The following CSNK1G3 variants were observed in gnomAD, a reference collection of about 807,000 sequenced individuals.
CSNK1G3 encodes casein kinase I isoform gamma-3.
A neutral mutation model predicts 64.3 loss-of-function variants in CSNK1G3; 23 were observed. The observed-to-expected ratio is 0.36, with a 90% CI of 0.26 to 0.51. The LOEUF (loss-of-function observed/expected upper bound fraction) is 0.51, where lower values mean the gene tolerates loss of function less well. Ranked by LOEUF, CSNK1G3 falls within the 20% of genes least tolerant of loss-of-function variation. CSNK1G3 has a pLI of 0.96. For synonymous variants in CSNK1G3, 158 were observed against 162.2 expected (o/e 0.97, Z 0.20); for missense variants, 357 against 510.5 (o/e 0.70, Z 2.90).
At chr5:123,552,139 C>T (rs575063526) in intron 2 of CSNK1G3, among the ~76,000 whole-genome samples, 33 of 136,950 alleles carry the variant, frequency 2.4e-4, no homozygotes, top group African/African-American at 8.6e-4. Flanking sequence ...CTGTATAAAA[C>T]GTTATGATCC....
At chr5:123,577,716 GA>G (rs1789459442) in intron 6 of CSNK1G3, among the ~76,000 whole-genome samples, 1 of 151,290 alleles carries the variant, frequency 6.6e-6, no homozygotes, top group African/African-American at 2.4e-5. Context: ...TTTTATTGAA[GA>G]GTTTTTTTTT....
intron 12 of CSNK1G3, among the ~76,000 whole-genome samples, chr5:123,607,177 A>G (rs1310447427): frequency 1.3e-5 from 2 of 152,128 alleles, no homozygotes; most frequent in Non-Finnish European, 2.9e-5. Context: ...ATTTCTTGGC[A>G]TGGCACCAAG....
intron 1 of CSNK1G3, among the ~76,000 whole-genome samples, chr5:123,543,350 C>T (rs1489837181): frequency 6.6e-6 from 1 of 152,108 alleles, no homozygotes; most frequent in African/African-American, 2.4e-5. Context: ...GGTTCTTCTG[C>T]TATGACTGAA....
At chr5:123,517,320 C>A (rs1027834306) in intron 1 of CSNK1G3, among the ~76,000 whole-genome samples, 1 of 152,102 alleles carries the variant, frequency 6.6e-6, no homozygotes, top group Non-Finnish European at 1.5e-5. Flanking sequence ...TGTAGACTTA[C>A]CAAGAAACAT....
intron 11 of CSNK1G3, among the ~76,000 whole-genome samples, 200 bp downstream of exon 12, chr5:123,605,030 ATATT>A (rs1426918962): frequency 6.6e-6 from 1 of 152,128 alleles, no homozygotes; most frequent in African/African-American, 2.4e-5. Flanking sequence ...ATAATACAAA[ATATT>A]TAAGAACTGT....
At chr5:123,539,361 C>A (rs1381600612) in intron 1 of CSNK1G3, among the ~76,000 whole-genome samples, 2 of 151,248 alleles carry the variant, frequency 1.3e-5, no homozygotes, top group African/African-American at 4.9e-5. Flanking sequence ...GGGAAAATCA[C>A]CAGAGCCTGA....
intron 2 of CSNK1G3, among the ~76,000 whole-genome samples, chr5:123,552,774 C>T (rs977442523): frequency 6.6e-6 from 1 of 152,032 alleles, no homozygotes; most frequent in African/African-American, 2.4e-5. Context: ...TAGGAGTTCT[C>T]GTTTTGAAAT....
At chr5:123,540,377 A>G (rs760864418) in intron 1 of CSNK1G3, among the ~76,000 whole-genome samples, 4 of 152,090 alleles carry the variant, frequency 2.6e-5, no homozygotes, top group Non-Finnish European at 5.9e-5. Flanking sequence ...CTATTGAAGT[A>G]CTTCCTCAAC....
chr5:123,529,605 T>C (rs1028437917), intron 1 of CSNK1G3, among the ~76,000 whole-genome samples: 3 of 152,174 alleles, frequency 2.0e-5, no homozygotes, highest in Admixed American at 6.5e-5. Flanking sequence ...TCCCAAAATT[T>C]CCTTGATGGC....
chr5:123,560,885 T>C (rs990407116), intron 4 of CSNK1G3, among the ~76,000 whole-genome samples: 19 of 152,156 alleles, frequency 1.2e-4, no homozygotes, highest in African/African-American at 4.6e-4. Context: ...ATTTTGGAGA[T>C]GGATGGATGG....
intron 10 of CSNK1G3, among the ~76,000 whole-genome samples, chr5:123,598,439 G>C (rs1793839434): frequency 6.6e-6 from 1 of 152,122 alleles, no homozygotes; most frequent in African/African-American, 2.4e-5. Flanking sequence ...GATAGCACAG[G>C]GTACTAGGAG....
intron 1 of CSNK1G3, among the ~76,000 whole-genome samples, chr5:123,526,062 G>A (rs1326410898): frequency 6.6e-6 from 1 of 151,606 alleles, no homozygotes; most frequent in Admixed American, 6.6e-5. Context: ...TTTAGAGATA[G>A]GGTCTCACTC....
intron 2 of CSNK1G3, 101 bp downstream of exon 2, chr5:123,545,942 A>C: frequency 9.9e-7 from 1 of 1,007,436 alleles, no homozygotes; most frequent in Non-Finnish European, 1.5e-6. Context: ...TTAGTTGTTT[A>C]ATGGTTGTGG....
intron 5 of CSNK1G3, among the ~76,000 whole-genome samples, chr5:123,574,058 T>C (rs1485797542): frequency 6.6e-6 from 1 of 151,954 alleles, no homozygotes; most frequent in Non-Finnish European, 1.5e-5. Flanking sequence ...ACCATGTTAG[T>C]CAGGATGGTC....
At chr5:123,601,293 T>G (rs191072962) in intron 10 of CSNK1G3, among the ~76,000 whole-genome samples, 1 of 152,314 alleles carries the variant, frequency 6.6e-6, no homozygotes, top group Admixed American at 6.5e-5. Flanking sequence ...AAGACACAAA[T>G]TTTAAGTGAA....
At chr5:123,542,920 C>T (rs570147288) in intron 1 of CSNK1G3, among the ~76,000 whole-genome samples, 19 of 132,930 alleles carry the variant, frequency 1.4e-4, no homozygotes, top group African/African-American at 4.8e-4. Context: ...AGCTATTATT[C>T]GTTTTTTTTT....
At chr5:123,555,063 C>G (rs1356144616) in intron 3 of CSNK1G3, among the ~76,000 whole-genome samples, 19 of 152,170 alleles carry the variant, frequency 1.2e-4, no homozygotes, top group Non-Finnish European at 1.5e-5. Flanking sequence ...TATTTTTGTG[C>G]TGTATCTCTG....
intron 1 of CSNK1G3, among the ~76,000 whole-genome samples, chr5:123,537,007 C>A (rs1780947385): frequency 6.6e-6 from 1 of 152,048 alleles, no homozygotes; most frequent in Non-Finnish European, 1.5e-5. Context: ...ATTAGTACAA[C>A]CTATATGGAA....
intron 6 of CSNK1G3, among the ~76,000 whole-genome samples, chr5:123,581,612 A>G (rs915123721): frequency 2.6e-5 from 4 of 151,598 alleles, no homozygotes; most frequent in Admixed American, 1.3e-4. Context: ...TGTTTATATT[A>G]CTAGATTAGG....
Sources: gnomAD v4.1 joint callset for allele counts (sites outside exome capture counted in the v4.1 genomes callset) on GRCh38, gnomAD v4.1.1 for gene constraint, MANE v1.5 for transcripts, NCBI Gene and HGNC (gene_info 2026-07-23, HGNC 2026-07-21) for gene names.